Variants in PISD observed in about 807,000 individuals in gnomAD.
PISD encodes phosphatidylserine decarboxylase proenzyme, mitochondrial.
Under a neutral mutation model 43.5 loss-of-function variants are expected in PISD, and 31 were observed. The observed-to-expected ratio is 0.71, with a 90% CI of 0.54 to 0.96. PISD has a LOEUF of 0.96. Among genes scored for constraint, PISD ranks in the 40% least tolerant of loss-of-function variants. PISD has a pLI of 0.00. For synonymous variants in PISD, 259 were observed against 228.7 expected, an observed-to-expected ratio of 1.13 and a Z score of -1.20; for missense variants, 523 against 548.4, an observed-to-expected ratio of 0.95 and a Z score of 0.46.
intron 4 of PISD, 51 bp from the exon 5 acceptor site, chr22:31,621,523 C>G (rs111786837): frequency 1.2e-5 from 19 of 1,608,586 alleles, no homozygotes; most frequent in African/African-American, 6.7e-5. Flanking sequence ...TCTCCTCCCC[C>G]CAGGAGACAG....
chr22:31,618,610 A>ATGTC lies in PISD; in HGVS notation c.*998_*1001dup, dbSNP rs1032122885. 3.5e-5 allele frequency: 18 copies of ATGTC among 509,134 alleles called. No individual in the cohort carries two copies. Among genetic ancestry groups the ATGTC allele is most frequent in the South Asian group, 5.4e-5 (1 of 18,378 alleles). The allele number at this position is 509,134 out of a possible 1,614,324, so 31.5% of individuals were successfully genotyped here. A position where few individuals can be genotyped will look rare whatever the true frequency, so the allele number is the denominator to read the frequency against. ...CTGATACAGTTGAAAAAATTCAATG[A>ATGTC]TGTCTCTCCTGCAGGAGAAATTCAC... On this transcript the variant is annotated 3_prime_UTR_variant, in exon 8 of 8. Coordinates refer to ENST00000439502, the MANE Select transcript of PISD (RefSeq NM_001326411.2).
intron 3 of PISD, among the ~76,000 whole-genome samples, chr22:31,631,533 C>T (rs1035697758): frequency 6.6e-6 from 1 of 152,174 alleles, no homozygotes; most frequent in Non-Finnish European, 1.5e-5. Flanking sequence ...CACAGGCCTC[C>T]CTGCTTCACT....
At position 31,620,807 on chromosome 22, in the gene PISD, C is replaced by T. The variant is rs1447231526; in HGVS notation, c.845-94G>A. 17 of 1,499,084 alleles carry T rather than the reference C, an allele frequency of 1.1e-5. No individual in the cohort carries two copies. In the East Asian group the frequency reaches 3.9e-4, roughly 34 times the overall value. The allele number at this position is 1,499,084 out of a possible 1,614,324, so 92.9% of individuals were successfully genotyped here. A position where few individuals can be genotyped will look rare whatever the true frequency, so the allele number is the denominator to read the frequency against. ...CCCAAAGGGACTCATGGCCTGTTGCCCCGATGTCACTCCAAATGCTGAGCT... is the reference window on the plus strand; with the variant it reads ...CCCAAAGGGACTCATGGCCTGTTGCTCCGATGTCACTCCAAATGCTGAGCT... On this transcript the variant is annotated intron_variant, in intron 6 of 7. Transcript: ENST00000439502.
At chr22:31,659,495 T>C (rs1340787327) in intron 1 of PISD, among the ~76,000 whole-genome samples, 1 of 152,200 alleles carries the variant, frequency 6.6e-6, no homozygotes, top group Non-Finnish European at 1.5e-5. Context: ...TTGTCCGTAC[T>C]TGCCTGAACC....
At chr22:31,655,182 G>A (rs2074132788) in intron 1 of PISD, among the ~76,000 whole-genome samples, 1 of 151,178 alleles carries the variant, frequency 6.6e-6, no homozygotes, top group Admixed American at 6.6e-5. Context: ...AGCTTTACAA[G>A]AGTGAGAAAC....
At chr22:31,644,990 T>C (rs55779244) in intron 3 of PISD, among the ~76,000 whole-genome samples, 3,947 of 151,972 alleles carry the variant, frequency 0.026, 150 homozygotes, top group African/African-American at 0.089. Context: ...GGCGCAGTAA[T>C]AGGCACCTGT....
intron 3 of PISD, among the ~76,000 whole-genome samples, chr22:31,636,128 C>T (rs947991422): frequency 2.0e-5 from 3 of 152,228 alleles, no homozygotes; most frequent in South Asian, 2.1e-4. Context: ...GCGTGCTGAG[C>T]ACAGGCCCAT....
In PISD at chr22:31,619,065, ACTGCTTTTT is replaced by A; in HGVS notation, c.*538_*546del. On this transcript the variant is annotated 3_prime_UTR_variant, in exon 8 of 8. Coordinates refer to ENST00000439502, the MANE Select transcript of PISD (RefSeq NM_001326411.2). ...GATGCGTTCAGCCACAAGCACAAAG[ACTGCTTTTT>A]CTAAAGAGCAGGATGAGGTGAATGT... 1 of 237,398 alleles carries A rather than the reference ACTGCTTTTT, an allele frequency of 4.2e-6. No individual in the cohort carries two copies. The highest frequency in any genetic ancestry group is 8.4e-6 in the Non-Finnish European group (1 of 118,364). 14.7% of individuals were successfully genotyped at this position (237,398 alleles called of 1,614,324 possible).
At position 31,618,592 on chromosome 22, in the gene PISD, A is replaced by C; in HGVS notation, c.*1020T>G. 3.4e-6 allele frequency: 2 copies of C among 587,752 alleles called. No homozygotes were observed. Among genetic ancestry groups the C allele is most frequent in the Non-Finnish European group, 5.2e-6 (2 of 382,192 alleles). The allele number at this position is 587,752 out of a possible 1,614,324, so 36.4% of individuals were successfully genotyped here. A position where few individuals can be genotyped will look rare whatever the true frequency, so the allele number is the denominator to read the frequency against. On this transcript the variant is annotated 3_prime_UTR_variant, in exon 8 of 8. Transcript: ENST00000439502. ...TACAAAAATACTGTGCTACTGATAC[A>C]GTTGAAAAAATTCAATGATGTCTCT...
In PISD at chr22:31,620,608, GAGA is replaced by G. The variant is rs1319814075; in HGVS notation, c.947_949del (p.Phe316del). On this transcript the variant is annotated inframe_deletion, in exon 7 of 8. Transcript: ENST00000439502. ...GTTGGTGGCCCCCACAGCTGTCAGT[GAGA>G]AGAAGCCATGTTTCCAGTCCCCCGT... 3.1e-6 allele frequency: 5 copies of G among 1,614,210 alleles called. No individual in the cohort carries two copies. Among genetic ancestry groups the G allele is most frequent in the Non-Finnish European group, 4.2e-6 (5 of 1,180,036 alleles).
At chr22:31,645,514 G>A (rs2073857934) in intron 3 of PISD, among the ~76,000 whole-genome samples, 1 of 150,898 alleles carries the variant, frequency 6.6e-6, no homozygotes, top group Non-Finnish European at 1.5e-5. Flanking sequence ...AGAGCAGCCT[G>A]GCCAACATGG....
rs747896901 is a variant in PISD at position 31,619,676 on chromosome 22, T to G, written c.1166A>C (p.Asp389Ala). The change falls in exon 8 of 8, where the codon GAC becomes GCC. Residue 389 changes from aspartate (D) to alanine (A), a missense_variant. Asp to Ala is a moderately radical substitution (Grantham distance 126). Coordinates refer to ENST00000439502, the MANE Select transcript of PISD (RefSeq NM_001326411.2). The stretch of plus-strand genomic sequence containing the variant: ...TCCTGTTTTCAGCTGGAAATTGAAG[T>G]CCTTGGGGGCCTCGAAGATGAGCAC... ...TIVLIFEAPK[D>A]FNFQLKTGQK... 1.9e-6 allele frequency: 3 copies of G among 1,614,186 alleles called. No individual in the cohort carries two copies. The South Asian group carries it at 3.3e-5, about 18-fold the overall frequency.
chr22:31,662,236 GCC>G, upstream of PISD: 1 of 1,596,788 alleles, frequency 6.3e-7, no homozygotes, highest in Non-Finnish European at 8.5e-7. Context: ...AGCGTGCCAC[GCC>G]CCCTTCACAC....
Position 31,633,242 on chromosome 22 carries a change from G to C in PISD, c.322-11357C>G, listed in dbSNP as rs148064581. Among the ~76,000 whole-genome samples the C allele has an allele frequency of 2.8e-4, 42 of 152,276 alleles. 1 individual carries two copies. The East Asian group carries it at 6.7e-3, about 24-fold the overall frequency. On this transcript the variant is annotated intron_variant, in intron 3 of 7. Transcript: ENST00000439502. Reference sequence around the variant, plus strand: ...ACGGAACAAAACCAAGCCCCAGTTAGACCAGGGGAGAAAGGTCTGTAGAGG... The same window carrying C: ...ACGGAACAAAACCAAGCCCCAGTTACACCAGGGGAGAAAGGTCTGTAGAGG...
At chr22:31,648,723 G>C (rs1038371827) in intron 2 of PISD, among the ~76,000 whole-genome samples, 2 of 150,986 alleles carry the variant, frequency 1.3e-5, no homozygotes, top group African/African-American at 4.9e-5. Context: ...AACATATCTA[G>C]CAGGCAGGTG....
At chr22:31,628,894 G>T in intron 3 of PISD, 1 of 985,292 alleles carries the variant, frequency 1.0e-6, no homozygotes, top group South Asian at 4.7e-5. Context: ...GGTGGGGGCA[G>T]GGGTTTCCAC....
intron 3 of PISD, among the ~76,000 whole-genome samples, chr22:31,639,185 T>C (rs2073615631): frequency 6.6e-6 from 1 of 150,512 alleles, no homozygotes; most frequent in Non-Finnish European, 1.5e-5. Context: ...TTTTTCTTTT[T>C]TTTTTTTTTG....
intron 3 of PISD, chr22:31,625,572 C>A (rs1284815418): frequency 3.0e-6 from 2 of 663,842 alleles, no homozygotes; most frequent in Admixed American, 2.8e-5. Context: ...TGGTTGGAAC[C>A]AAAGATACCT....
At chr22:31,636,929 G>A (rs1392361764) in intron 3 of PISD, among the ~76,000 whole-genome samples, 1 of 151,346 alleles carries the variant, frequency 6.6e-6, no homozygotes, top group Admixed American at 6.6e-5. Flanking sequence ...ACCCATCTCG[G>A]TCTCCCAAAG....
Sources: allele counts gnomAD v4.1 joint callset (sites outside exome capture counted in the v4.1 genomes callset), GRCh38; gene constraint gnomAD v4.1.1; transcripts MANE v1.5; gene names NCBI Gene and HGNC (gene_info 2026-07-23, HGNC 2026-07-21).